The following DMD variants were observed in gnomAD, a reference collection of about 807,000 sequenced individuals.
DMD encodes dystrophin, also known as mutant dystrophin.
A neutral mutation model predicts 330.1 loss-of-function variants in DMD; 63 were observed. That is an observed-to-expected ratio of 0.19 (90% CI 0.16 to 0.24). The LOEUF is 0.24. Ranked by LOEUF, DMD falls within the 10% of genes least tolerant of loss-of-function variation. DMD has a pLI of 1.00. For synonymous variants in DMD, 1,223 were observed against 959.8 expected (o/e 1.27, Z -5.07); for missense variants, 3,344 against 2,684.1 (o/e 1.25, Z -5.43).
chrX:32,339,057 A>G (rs757638831), intron 41 of DMD, among the ~76,000 whole-genome samples: 6 of 112,308 alleles, frequency 5.3e-5, no homozygotes, highest in South Asian at 3.7e-4. Context: ...ATATACAGAA[A>G]GGAGACGAAG....
intron 60 of DMD, among the ~76,000 whole-genome samples, chrX:31,417,868 T>C (rs1269615113): frequency 9.2e-6 from 1 of 108,562 alleles, no homozygotes; most frequent in African/African-American, 3.4e-5. Context: ...TTTGTATTTT[T>C]AGTAGAGACG....
chrX:32,376,018 A>C (rs1333756642), intron 34 of DMD, among the ~76,000 whole-genome samples: 1 of 111,547 alleles, frequency 9.0e-6, no homozygotes, highest in Non-Finnish European at 1.9e-5. Flanking sequence ...GGTGACTCAC[A>C]CCTGTAATCC....
intron 9 of DMD, among the ~76,000 whole-genome samples, chrX:32,654,305 ATTATT>A (rs2146981637): frequency 8.9e-6 from 1 of 111,802 alleles, no homozygotes; most frequent in African/African-American, 3.3e-5. Flanking sequence ...CATAGCTCTT[ATTATT>A]TTAAGATACG....
chrX:32,846,954 C>G, intron 3 of DMD, among the ~76,000 whole-genome samples: 1 of 109,307 alleles, frequency 9.1e-6, no homozygotes, highest in Non-Finnish European at 1.9e-5. Flanking sequence ...TTGCAGTGAG[C>G]CAAGATCATG....
At chrX:33,110,764 T>C (rs1212569607) in intron 1 of DMD, among the ~76,000 whole-genome samples, 1 of 111,186 alleles carries the variant, frequency 9.0e-6, no homozygotes, top group Non-Finnish European at 1.9e-5. Context: ...TTTTTATTTG[T>C]TCATCTTTGT....
chrX:32,350,596 A>C (rs911491476), intron 37 of DMD, among the ~76,000 whole-genome samples: 2 of 111,538 alleles, frequency 1.8e-5, no homozygotes, highest in Admixed American at 9.6e-5. Context: ...TGGTCCTTAC[A>C]CAAAACTAAG....
At chrX:32,295,341 T>C (rs895514627) in intron 42 of DMD, among the ~76,000 whole-genome samples, 15 of 111,890 alleles carry the variant, frequency 1.3e-4, no homozygotes, top group African/African-American at 4.2e-4. Context: ...TAGAGAAAAA[T>C]TAGATAGCAC....
In DMD at chrX:32,259,538, G is replaced by C. The variant is rs183498664; in HGVS notation, c.6290+27991C>G. On this transcript the variant is annotated intron_variant, in intron 43 of 78. Transcript: ENST00000357033. ...ATATTTACTTTGTACTAAATGTAAT[G>C]GGATTTGATATTATTATATTAAATT... Among the ~76,000 whole-genome samples the C allele has an allele frequency of 2.9e-4, 31 of 105,799 alleles. No homozygotes were observed. The East Asian group carries it at 9.2e-3, about 31-fold the overall frequency. 91.9% of individuals were successfully genotyped at this position (105,799 alleles called of 115,157 possible).
intron 1 of DMD, among the ~76,000 whole-genome samples, chrX:33,151,646 G>C: frequency 8.9e-6 from 1 of 111,919 alleles, no homozygotes; most frequent in South Asian, 3.7e-4. Context: ...CTTACTTGTA[G>C]TCTTAGGTAA....
At chrX:31,213,012 C>T (rs961216452) in intron 64 of DMD, among the ~76,000 whole-genome samples, 11 of 112,533 alleles carry the variant, frequency 9.8e-5, no homozygotes, top group Non-Finnish European at 1.3e-4. Context: ...CTAATTAGCA[C>T]AGAAACAGAA....
In DMD at chrX:32,726,699, T is replaced by C. The variant is rs765275782; in HGVS notation, c.650-27406A>G. ...TTATAAATTATTTGTGGGAAGTTTT[T>C]TTTATTATTTATGACTGACATGATA... is the stretch of plus-strand genomic sequence containing the variant. On this transcript the variant is annotated intron_variant, in intron 7 of 78. Transcript: ENST00000357033. Among the ~76,000 whole-genome samples the C allele has an allele frequency of 2.7e-5, 3 of 111,243 alleles. No individual in the cohort carries two copies. The East Asian group carries it at 8.5e-4, about 31-fold the overall frequency.
intron 50 of DMD, among the ~76,000 whole-genome samples, chrX:31,810,522 T>A (rs973882340): frequency 6.2e-5 from 7 of 112,209 alleles, no homozygotes; most frequent in Non-Finnish European, 1.1e-4. Flanking sequence ...TAGAACTCCA[T>A]CTGCTCTTCA....
At chrX:32,820,037 A>C (rs1377510482) in intron 5 of DMD, among the ~76,000 whole-genome samples, 2 of 111,320 alleles carry the variant, frequency 1.8e-5, no homozygotes, top group Non-Finnish European at 3.8e-5. Context: ...ATGGTGATTC[A>C]AGGGCATAAA....
chrX:33,067,212 A>G (rs2094677634), intron 1 of DMD, among the ~76,000 whole-genome samples: 2 of 112,471 alleles, frequency 1.8e-5, no homozygotes, highest in Non-Finnish European at 3.7e-5. Context: ...AATTTGAAGT[A>G]TTAATAACAA....
rs1460078058 is a variant in DMD, at chrX:32,484,978, G to T, written c.2744C>A (p.Thr915Lys). Reference sequence around the variant, plus strand: ...AGAAAAGACTTGCTTAAAATGATTTGTAAAGGCCACAAAGTCTGCATCCAG... The same window carrying T: ...AGAAAAGACTTGCTTAAAATGATTTTTAAAGGCCACAAAGTCTGCATCCAG... Reference protein sequence around the residue: ...MFLDADFVAFTNHFKQVFSDV... With the variant: ...MFLDADFVAFKNHFKQVFSDV... The change falls in exon 21 of 79, where the codon ACA (threonine) becomes AAA (lysine). Residue 915 changes from threonine (T) to lysine (K), a missense_variant. Thr to Lys is a moderately conservative substitution (Grantham distance 78, BLOSUM62 -1). Coordinates refer to ENST00000357033, the MANE Select transcript of DMD (RefSeq NM_004006.3). 4 of 1,211,374 alleles carry T rather than the reference G, an allele frequency of 3.3e-6. No homozygotes were observed. The East Asian group carries it at 1.2e-4, about 36-fold the overall frequency.
At chrX:32,438,217 G>T in intron 29 of DMD, 24 bp downstream of exon 29, 1 of 1,206,852 alleles carries the variant, frequency 8.3e-7, no homozygotes. Flanking sequence ...TTAGATTAAA[G>T]AGATTTTTCA....
chrX:31,750,265 T>G (rs2088400030), intron 51 of DMD, among the ~76,000 whole-genome samples: 1 of 107,517 alleles, frequency 9.3e-6, no homozygotes, highest in African/African-American at 3.4e-5. Context: ...TTCTAGGGTT[T>G]TTATGGTTTT....
intron 54 of DMD, among the ~76,000 whole-genome samples, chrX:31,641,646 C>G (rs1299396567): frequency 3.6e-5 from 4 of 111,370 alleles, no homozygotes; most frequent in African/African-American, 1.3e-4. Flanking sequence ...CATCCCTATT[C>G]ACCCAAAGAT....
intron 55 of DMD, among the ~76,000 whole-genome samples, chrX:31,563,685 T>C (rs1045341762): frequency 6.2e-5 from 7 of 112,056 alleles, no homozygotes; most frequent in Non-Finnish European, 1.3e-4. Flanking sequence ...TAAAATACTA[T>C]AAATCTATTC....
Sources: allele counts gnomAD v4.1 joint callset (sites outside exome capture counted in the v4.1 genomes callset), GRCh38; gene constraint gnomAD v4.1.1; transcripts MANE v1.5; gene names NCBI Gene and HGNC (gene_info 2026-07-23, HGNC 2026-07-21).